FNIP2: variants seen among roughly 807,000 people sequenced by gnomAD.
FNIP2 encodes the protein folliculin-interacting protein 2.
Under a neutral mutation model 108.7 loss-of-function variants are expected in FNIP2, and 32 were observed. That is an observed-to-expected ratio of 0.29 (90% CI 0.22 to 0.40). The LOEUF is 0.40. FNIP2 is among the 10% of genes least tolerant of loss of function. The pLI is 1.00. For missense variants in FNIP2, 1,202 were observed against 1,381.6 expected (o/e 0.87, Z 2.06); for synonymous variants, 480 against 496.7 (o/e 0.97, Z 0.45).
intron 7 of FNIP2, among the ~76,000 whole-genome samples, chr4:158,846,623 C>T (rs961198321): frequency 6.6e-6 from 1 of 152,070 alleles, no homozygotes; most frequent in Non-Finnish European, 1.5e-5. Flanking sequence ...GGTTGTGATA[C>T]CTTTTCTCAC....
chr4:158,824,079 A>G (rs1778027196), intron 1 of FNIP2, among the ~76,000 whole-genome samples: 1 of 152,236 alleles, frequency 6.6e-6, no homozygotes, highest in African/African-American at 2.4e-5. Context: ...TAACTGCCTG[A>G]AAAAGGAAAA....
intron 16 of FNIP2, among the ~76,000 whole-genome samples, chr4:158,902,717 C>T (rs565850181): frequency 6.6e-6 from 1 of 152,368 alleles, no homozygotes; most frequent in African/African-American, 2.4e-5. Context: ...AGTCTGGCCC[C>T]AGTGGCCTTG....
At position 158,868,014 on chromosome 4, in the gene FNIP2, T is replaced by A; in HGVS notation, c.1466-88T>A. On this transcript the variant is annotated intron_variant, in intron 12 of 16. Coordinates refer to ENST00000264433, the MANE Select transcript of FNIP2 (RefSeq NM_020840.3). The surrounding 1 kb of genome is among the most constrained non-coding windows in gnomAD (Gnocchi z 4.6). Reference sequence around the variant, plus strand: ...AGGGACTCCAGATTGGGAATATAAGTTATCTGTTTTGCTCTTGTAAAGACG... The same window carrying A: ...AGGGACTCCAGATTGGGAATATAAGATATCTGTTTTGCTCTTGTAAAGACG... 1 of 1,507,540 alleles carries A rather than the reference T, an allele frequency of 6.6e-7. No homozygotes were observed. Among genetic ancestry groups the A allele is most frequent in the Non-Finnish European group, 9.0e-7 (1 of 1,113,480 alleles). The allele number at this position is 1,507,540 out of a possible 1,614,324, so 93.4% of individuals were successfully genotyped here. A position where few individuals can be genotyped will look rare whatever the true frequency, so the allele number is the denominator to read the frequency against.
intron 14 of FNIP2, among the ~76,000 whole-genome samples, chr4:158,880,695 G>A (rs1781542406): frequency 6.6e-6 from 1 of 152,164 alleles, no homozygotes; most frequent in African/African-American, 2.4e-5. Flanking sequence ...GAGACTGAAG[G>A]GGTTTTTTGG....
rs1364227191 is a variant in FNIP2 at position 158,868,427 on chromosome 4, G to T, written c.1791G>T (p.Gly597=). The T allele has an allele frequency of 6.2e-7, 1 of 1,614,018 alleles. No homozygotes were observed. The highest frequency in any genetic ancestry group is 1.3e-5 in the African/African-American group (1 of 75,050). Residue 597 remains glycine (G), a synonymous_variant, in exon 13 of 17, where the codon GGG becomes GGT. Transcript: ENST00000264433. The surrounding 1 kb of genome is among the most constrained non-coding windows in gnomAD (Gnocchi z 4.6). ...AGAGACACAACCCCTGGCCGACAGG[G>T]TTTCCTGAGTGCCCAGAGGGCACTG... ...AAERHNPWPT[G]FPECPEGTDS...
At chr4:158,881,153 A>T (rs1046772811) in intron 14 of FNIP2, among the ~76,000 whole-genome samples, 3 of 152,174 alleles carry the variant, frequency 2.0e-5, no homozygotes, top group Non-Finnish European at 4.4e-5. Context: ...GGGAGTTCAA[A>T]TGAAGCCAAA....
chr4:158,809,731 C>A (rs1056628802), intron 1 of FNIP2, among the ~76,000 whole-genome samples: 2 of 152,202 alleles, frequency 1.3e-5, no homozygotes, highest in Non-Finnish European at 2.9e-5. Context: ...CCCTTACACA[C>A]TGAAAAGGAA....
intron 1 of FNIP2, among the ~76,000 whole-genome samples, chr4:158,805,609 AT>A (rs1358342735): frequency 2.6e-5 from 4 of 152,200 alleles, no homozygotes; most frequent in Admixed American, 6.5e-5. Flanking sequence ...TAAGTCCTAC[AT>A]TTGGCTGTTG....
At chr4:158,860,555 A>G (rs1197939667) in intron 10 of FNIP2, among the ~76,000 whole-genome samples, 1 of 151,732 alleles carries the variant, frequency 6.6e-6, no homozygotes, top group Non-Finnish European at 1.5e-5. Flanking sequence ...TGATTAGTAA[A>G]CCTTCCATAG....
At chr4:158,860,418 C>CT (rs147113816) in intron 10 of FNIP2, among the ~76,000 whole-genome samples, 9,118 of 151,894 alleles carry the variant, frequency 0.06, 342 homozygotes, top group African/African-American at 0.1. Flanking sequence ...AATCGCAAGC[C>CT]TTTTTTTTAC....
At chr4:158,784,455 G>A (rs1448128064) in intron 1 of FNIP2, among the ~76,000 whole-genome samples, 1 of 152,144 alleles carries the variant, frequency 6.6e-6, no homozygotes, top group Non-Finnish European at 1.5e-5. Context: ...GATGATTCAA[G>A]CACATTACAT....
At position 158,887,631 on chromosome 4, in the gene FNIP2, G is replaced by T. The variant is rs150257433; in HGVS notation, c.2950-3815G>T. On this transcript the variant is annotated intron_variant, in intron 14 of 16. Transcript: ENST00000264433. ...TGGGTGCCTGTAATCCCAGCTACCC[G>T]GAGGGTGAGGCAGGAGAATTGCTTG... Among the ~76,000 whole-genome samples the T allele has an allele frequency of 9.9e-3, 1,499 of 151,078 alleles. 24 individuals carry two copies. The highest frequency in any genetic ancestry group is 0.034 in the African/African-American group (1,382 of 41,160).
intron 1 of FNIP2, among the ~76,000 whole-genome samples, chr4:158,813,307 G>A (rs1481991303): frequency 6.6e-6 from 1 of 152,136 alleles, no homozygotes; most frequent in Non-Finnish European, 1.5e-5. Flanking sequence ...ACCAGCAATG[G>A]GTGAGAGTTT....
At chr4:158,852,067 T>C (rs1779730666) in intron 8 of FNIP2, among the ~76,000 whole-genome samples, 1 of 152,252 alleles carries the variant, frequency 6.6e-6, no homozygotes, top group Non-Finnish European at 1.5e-5. Flanking sequence ...CACATGTCAA[T>C]TAACTGATTT....
chr4:158,812,045 G>C (rs983292738), intron 1 of FNIP2, among the ~76,000 whole-genome samples: 1 of 152,198 alleles, frequency 6.6e-6, no homozygotes. Context: ...TCGTGGGAAT[G>C]TGAATGGGGT....
At chr4:158,890,252 T>A (rs2126767867) in intron 14 of FNIP2, 1 of 984,710 alleles carries the variant, frequency 1.0e-6, no homozygotes, top group East Asian at 1.1e-4. Context: ...GATAATAGGG[T>A]TTATATCTTT....
chr4:158,886,887 G>A (rs762022797), intron 14 of FNIP2, among the ~76,000 whole-genome samples: 11 of 152,196 alleles, frequency 7.2e-5, no homozygotes, highest in Non-Finnish European at 1.5e-4. Context: ...AGGCTTTTTG[G>A]TTTGTTTTTC....
chr4:158,827,947 T>C (rs750868448), intron 2 of FNIP2, among the ~76,000 whole-genome samples: 90 of 151,952 alleles, frequency 5.9e-4, no homozygotes, highest in Non-Finnish European at 1.0e-3. Flanking sequence ...TAAGCTGCAA[T>C]TGCATTCATG....
intron 7 of FNIP2, among the ~76,000 whole-genome samples, chr4:158,848,143 A>C (rs962486472): frequency 6.6e-6 from 1 of 152,188 alleles, no homozygotes; most frequent in Non-Finnish European, 1.5e-5. Context: ...CAGCAAATAC[A>C]GGCGGTAACC....
Sources: allele counts gnomAD v4.1 joint callset (sites outside exome capture counted in the v4.1 genomes callset), GRCh38; gene constraint gnomAD v4.1.1; non-coding constraint Gnocchi (gnomAD v3.1); transcripts MANE v1.5; gene names NCBI Gene and HGNC (gene_info 2026-07-23, HGNC 2026-07-21).